SMCO2: variants seen among roughly 807,000 people sequenced by gnomAD.
The protein encoded by SMCO2 is single-pass membrane protein with coiled-coil domains 2.
In SMCO2, 25 loss-of-function variants were observed where a neutral mutation model predicts 29.5. The observed-to-expected ratio is 0.85, with a 90% CI of 0.62 to 1.18. The LOEUF (loss-of-function observed/expected upper bound fraction) is 1.18. Among genes scored for constraint, SMCO2 ranks in the 50% most tolerant of loss-of-function variants. The pLI, the probability that SMCO2 is intolerant of heterozygous loss-of-function variation, is 0.00. For synonymous variants in SMCO2, 117 were observed against 123.3 expected, an observed-to-expected ratio of 0.95 and a Z score of 0.34; for missense variants, 348 against 344.5, an observed-to-expected ratio of 1.01 and a Z score of -0.08.
the SMCO2 span, among the ~76,000 whole-genome samples, chr12:27,435,606 CTCT>C: frequency 9.3e-5 from 14 of 150,906 alleles, no homozygotes; most frequent in East Asian, 1.8e-3. Flanking sequence ...CTCTCTCTCA[CTCT>C]TCTTCTTTCC....
chr12:27,481,597 T>C (rs1949644032), intron 4 of SMCO2, among the ~76,000 whole-genome samples: 1 of 152,230 alleles, frequency 6.6e-6, no homozygotes, highest in African/African-American at 2.4e-5. Flanking sequence ...GGAAGCTGTA[T>C]TGCCTGGAAA....
At chr12:27,452,237 G>A in the SMCO2 span, among the ~76,000 whole-genome samples, 2 of 152,144 alleles carry the variant, frequency 1.3e-5, no homozygotes, top group Admixed American at 1.3e-4. Context: ...GTGCAACTTT[G>A]TTACAGGCAT....
chr12:27,448,987 C>T, the SMCO2 span, among the ~76,000 whole-genome samples: 1 of 152,220 alleles, frequency 6.6e-6, no homozygotes, highest in East Asian at 1.9e-4. Flanking sequence ...CGGTGGGAAA[C>T]TGTCCATCCA....
intron 5 of SMCO2, among the ~76,000 whole-genome samples, chr12:27,493,439 G>A (rs961167200): frequency 6.6e-6 from 1 of 152,080 alleles, no homozygotes; most frequent in East Asian, 1.9e-4. Context: ...GACTGAAGTG[G>A]GAAGATCACA....
chr12:27,488,631 A>G (rs1949709306), intron 5 of SMCO2, 84 bp downstream of exon 6: 4 of 1,017,594 alleles, frequency 3.9e-6, no homozygotes, highest in Non-Finnish European at 5.5e-6. Flanking sequence ...TTAATAGGCA[A>G]TAACAAGAAG....
At chr12:27,459,584 A>C in the SMCO2 span, among the ~76,000 whole-genome samples, 9,480 of 152,274 alleles carry the variant, frequency 0.062, 357 homozygotes, top group East Asian at 0.13. Flanking sequence ...CAATTTACCT[A>C]TATAACAAAT....
intron 7 of SMCO2, among the ~76,000 whole-genome samples, chr12:27,501,207 G>A (rs1943070870): frequency 6.7e-6 from 1 of 148,846 alleles, no homozygotes; most frequent in African/African-American, 2.5e-5. Context: ...ACGAGGTCAG[G>A]AGATCGAGAC....
intron 5 of SMCO2, among the ~76,000 whole-genome samples, chr12:27,493,456 T>C (rs1287251754): frequency 6.6e-6 from 1 of 151,888 alleles, no homozygotes; most frequent in Non-Finnish European, 1.5e-5. Context: ...CACATGAGCC[T>C]GGGGAGATGG....
At chr12:27,452,469 C>T in the SMCO2 span, among the ~76,000 whole-genome samples, 1 of 152,162 alleles carries the variant, frequency 6.6e-6, no homozygotes, top group Non-Finnish European at 1.5e-5. Context: ...AATAGTGCTG[C>T]AATAAACATA....
chr12:27,456,773 C>A, the SMCO2 span, among the ~76,000 whole-genome samples: 1 of 152,102 alleles, frequency 6.6e-6, no homozygotes. Context: ...GGTTCCCAAC[C>A]CCCAGGCTGT....
At chr12:27,450,631 CA>C in the SMCO2 span, among the ~76,000 whole-genome samples, 1 of 152,190 alleles carries the variant, frequency 6.6e-6, no homozygotes, top group Non-Finnish European at 1.5e-5. Context: ...GCAGTGCTGC[CA>C]ATCTTTATCT....
At chr12:27,494,399 T>C (rs1253773936) in intron 6 of SMCO2, 43 bp downstream of exon 7, 1 of 1,411,116 alleles carries the variant, frequency 7.1e-7, no homozygotes, top group Non-Finnish European at 9.6e-7. Flanking sequence ...TAAAATCAGA[T>C]AATTTATGTC....
chr12:27,462,275 A>G (rs1183848648), upstream of SMCO2, among the ~76,000 whole-genome samples: 1 of 152,162 alleles, frequency 6.6e-6, no homozygotes, highest in African/African-American at 2.4e-5. Flanking sequence ...GGAGAGTTTC[A>G]GCTTCCAAGA....
chr12:27,449,659 G>T, the SMCO2 span, among the ~76,000 whole-genome samples: 2 of 152,188 alleles, frequency 1.3e-5, no homozygotes, highest in African/African-American at 4.8e-5. Context: ...TCCCTTGAAG[G>T]GGGGAAAAGT....
the SMCO2 span, among the ~76,000 whole-genome samples, chr12:27,432,579 G>T: frequency 6.6e-6 from 1 of 152,176 alleles, no homozygotes; most frequent in African/African-American, 2.4e-5. Context: ...GATAGCATTT[G>T]TACCATATCC....
At chr12:27,425,766 G>C in the SMCO2 span, among the ~76,000 whole-genome samples, 1 of 151,726 alleles carries the variant, frequency 6.6e-6, no homozygotes, top group Non-Finnish European at 1.5e-5. Flanking sequence ...TCTGTTGTGT[G>C]GTTGCAGTAT....
the SMCO2 span, among the ~76,000 whole-genome samples, chr12:27,456,705 T>C: frequency 6.6e-6 from 1 of 152,300 alleles, no homozygotes; most frequent in African/African-American, 2.4e-5. Context: ...TTCCCCAAAC[T>C]TTTACGTGAA....
intron 3 of SMCO2, among the ~76,000 whole-genome samples, 159 bp from the exon 4 acceptor site, chr12:27,474,627 G>A (rs1022822354): frequency 6.6e-6 from 1 of 152,180 alleles, no homozygotes; most frequent in Non-Finnish European, 1.5e-5. Flanking sequence ...CAGAGCAGAA[G>A]GGCATGTCTG....
the SMCO2 span, among the ~76,000 whole-genome samples, chr12:27,430,665 A>G: frequency 1.3e-5 from 2 of 152,208 alleles, no homozygotes; most frequent in African/African-American, 4.8e-5. Context: ...TTTTGAGGGA[A>G]TAAGAATAAA....
Sources: allele counts gnomAD v4.1 joint callset (sites outside exome capture counted in the v4.1 genomes callset), GRCh38; gene constraint gnomAD v4.1.1; transcripts MANE v1.5; gene names NCBI Gene and HGNC (gene_info 2026-07-23, HGNC 2026-07-21).